DISP1: variants seen among roughly 807,000 people sequenced by gnomAD.
DISP1 encodes the protein dispatched RND transporter family member 1.
A neutral mutation model predicts 37.3 loss-of-function variants in DISP1; 30 were observed. The observed-to-expected ratio is 0.80, with a 90% confidence interval of 0.60 to 1.09. The LOEUF (loss-of-function observed/expected upper bound fraction) is 1.09, where lower values mean the gene tolerates loss of function less well. DISP1 is among the 50% of genes least tolerant of loss of function. The probability of loss-of-function intolerance (pLI) is 0.00; values close to 1 mark genes in which losing one functional copy is unlikely to be tolerated. For missense variants in DISP1, 1,598 were observed against 1,879.5 expected (o/e 0.85, Z 2.77); for synonymous variants, 634 against 690.2 (o/e 0.92, Z 1.28).
At chr1:222,921,171 A>T (rs1421239412) in intron 1 of DISP1, among the ~76,000 whole-genome samples, 1 of 151,992 alleles carries the variant, frequency 6.6e-6, no homozygotes, top group African/African-American at 2.4e-5. Context: ...AATTAGCCGG[A>T]TGTGGTGCAT....
chr1:223,003,151 A>C lies in DISP1; in HGVS notation c.1754A>C (p.Lys585Thr). 1 of 1,614,212 alleles carries C rather than the reference A, an allele frequency of 6.2e-7. No individual in the cohort carries two copies. Among genetic ancestry groups the C allele is most frequent in the African/African-American group, 1.3e-5 (1 of 75,044 alleles). The change falls in exon 9 of 9, where the codon AAA becomes ACA. Residue 585 changes from lysine to threonine, a missense_variant. Lys to Thr is a moderately conservative substitution (Grantham distance 78). Transcript: ENST00000675850. The surrounding 1 kb of genome is among the most constrained non-coding windows in gnomAD (Gnocchi z 4.3). The part of the protein sequence containing the change: ...FVLCDVWNYT[K>T]FDKPHAETSE... ...CTGTGTGATGTTTGGAACTACACAA[A>C]ATTTGATAAGCCTCATGCCGAAACC... is the stretch of plus-strand genomic sequence containing the variant.
intron 1 of DISP1, among the ~76,000 whole-genome samples, chr1:222,822,646 T>A (rs1257376785): frequency 6.6e-6 from 1 of 152,208 alleles, no homozygotes; most frequent in African/African-American, 2.4e-5. Flanking sequence ...CCTCAGTGTT[T>A]CAAATTATAA....
chr1:222,848,116 GATTT>G (rs1450533531), intron 1 of DISP1, among the ~76,000 whole-genome samples: 1 of 151,934 alleles, frequency 6.6e-6, no homozygotes, highest in African/African-American at 2.4e-5. Flanking sequence ...CATATTGATT[GATTT>G]ATCTTTTCTC....
intron 1 of DISP1, among the ~76,000 whole-genome samples, chr1:222,859,263 T>C (rs149122826): frequency 8.8e-4 from 134 of 152,302 alleles, no homozygotes; most frequent in African/African-American, 2.6e-3. Context: ...TTCTCACTTA[T>C]GAGTGGGAGC....
chr1:222,955,363 G>T (rs938471484), intron 3 of DISP1, among the ~76,000 whole-genome samples: 3 of 152,140 alleles, frequency 2.0e-5, no homozygotes, highest in African/African-American at 7.2e-5. Context: ...GGAATTACAG[G>T]TGTGAGCCAC....
chr1:222,860,023 TC>T (rs1422948285), intron 1 of DISP1, among the ~76,000 whole-genome samples: 1 of 152,254 alleles, frequency 6.6e-6, no homozygotes, highest in Non-Finnish European at 1.5e-5. Context: ...AACTTTTTTT[TC>T]AATAAAGGAA....
At chr1:222,963,739 G>C (rs191122012) in intron 3 of DISP1, among the ~76,000 whole-genome samples, 1 of 150,886 alleles carries the variant, frequency 6.6e-6, no homozygotes, top group Non-Finnish European at 1.5e-5. Context: ...CACTGGGGGG[G>C]AACAACACAC....
chr1:222,892,436 T>G lies in DISP1; in HGVS notation c.-158-35994T>G, dbSNP rs80092340. On this transcript the variant is annotated intron_variant, in intron 1 of 8. Coordinates refer to ENST00000675850, the MANE Select transcript of DISP1 (RefSeq NM_001377229.1). Reference sequence around the variant, plus strand: ...GAATAAGCTTATTCACATAGTATATTTTGTATATGATTCCAGTGAGTGGTG... The same window carrying G: ...GAATAAGCTTATTCACATAGTATATGTTGTATATGATTCCAGTGAGTGGTG... 4.5e-3 allele frequency among the ~76,000 whole-genome samples: 689 copies of G among 152,348 alleles called. 5 individuals are homozygous for G. Among genetic ancestry groups the G allele is most frequent in the Admixed American group, 9.5e-3 (145 of 15,306 alleles).
At chr1:222,867,214 C>T (rs1669243715) in intron 1 of DISP1, among the ~76,000 whole-genome samples, 1 of 152,072 alleles carries the variant, frequency 6.6e-6, no homozygotes, top group African/African-American at 2.4e-5. Flanking sequence ...CCCAACTGAC[C>T]CTTGATGGTC....
intron 2 of DISP1, among the ~76,000 whole-genome samples, chr1:222,932,421 C>A (rs1385057206): frequency 6.6e-6 from 1 of 151,824 alleles, no homozygotes; most frequent in African/African-American, 2.4e-5. Context: ...TTAATGCATA[C>A]CTTAAGACTT....
chr1:222,920,027 C>A (rs566514206), intron 1 of DISP1, among the ~76,000 whole-genome samples: 3 of 152,178 alleles, frequency 2.0e-5, no homozygotes, highest in Admixed American at 6.5e-5. Context: ...TATTTATATT[C>A]CTACGGAGTC....
intron 4 of DISP1, among the ~76,000 whole-genome samples, chr1:222,988,667 T>C (rs943308512): frequency 2.4e-4 from 36 of 150,348 alleles, no homozygotes; most frequent in African/African-American, 7.3e-4. Flanking sequence ...TTTCTCTTTT[T>C]TTTTTTTTTT....
At chr1:222,874,153 C>G (rs965975761) in intron 1 of DISP1, among the ~76,000 whole-genome samples, 2 of 152,222 alleles carry the variant, frequency 1.3e-5, no homozygotes, top group African/African-American at 2.4e-5. Flanking sequence ...AGCTGTTAGT[C>G]TGATGGGCTT....
At chr1:222,984,938 G>A (rs1304886165) in intron 4 of DISP1, among the ~76,000 whole-genome samples, 1 of 151,994 alleles carries the variant, frequency 6.6e-6, no homozygotes, top group African/African-American at 2.4e-5. Flanking sequence ...TTTCTTCCAG[G>A]TTCATTCATG....
intron 2 of DISP1, among the ~76,000 whole-genome samples, chr1:222,934,542 A>G (rs1673598823): frequency 6.6e-6 from 1 of 152,106 alleles, no homozygotes; most frequent in Admixed American, 6.6e-5. Context: ...GTAATCAGAA[A>G]TTAGTCCATC....
intron 3 of DISP1, among the ~76,000 whole-genome samples, chr1:222,980,910 T>G (rs913618627): frequency 6.6e-6 from 1 of 152,136 alleles, no homozygotes; most frequent in Non-Finnish European, 1.5e-5. Flanking sequence ...AAACCCCATC[T>G]CTACTAAAAA....
chr1:222,816,642 C>T (rs1572069923), intron 1 of DISP1, among the ~76,000 whole-genome samples: 4 of 152,098 alleles, frequency 2.6e-5, no homozygotes, highest in East Asian at 3.9e-4. Context: ...TTCTTGATGG[C>T]CTTGAATATC....
intron 1 of DISP1, among the ~76,000 whole-genome samples, chr1:222,841,439 C>G (rs1572310342): frequency 6.6e-6 from 1 of 152,142 alleles, no homozygotes; most frequent in East Asian, 1.9e-4. Context: ...AAGTTAGGTA[C>G]TCACTCAAGG....
At chr1:222,981,294 T>A (rs1677816145) in intron 3 of DISP1, among the ~76,000 whole-genome samples, 1 of 96,552 alleles carries the variant, frequency 1.0e-5, no homozygotes, top group African/African-American at 3.4e-5. Flanking sequence ...GCTCCACTAT[T>A]AAGATGCTGA....
Sources: gnomAD v4.1 joint callset for allele counts (sites outside exome capture counted in the v4.1 genomes callset) on GRCh38, gnomAD v4.1.1 for gene constraint, Gnocchi (gnomAD v3.1) non-coding constraint, MANE v1.5 for transcripts, NCBI Gene and HGNC (gene_info 2026-07-23, HGNC 2026-07-21) for gene names.